WNT2: variants seen among roughly 807,000 people sequenced by gnomAD.
WNT2 encodes the protein protein Wnt-2.
In WNT2, 12 loss-of-function variants were observed where a neutral mutation model predicts 36.9. The observed-to-expected ratio is 0.33, with a 90% CI of 0.21 to 0.53. The LOEUF (loss-of-function observed/expected upper bound fraction) is 0.53, where lower values mean the gene tolerates loss of function less well. Among genes scored for constraint, WNT2 ranks in the 20% least tolerant of loss-of-function variants. The probability of loss-of-function intolerance (pLI) is 0.95; values close to 1 mark genes in which losing one functional copy is unlikely to be tolerated. For synonymous variants in WNT2, 163 were observed against 174.6 expected, an observed-to-expected ratio of 0.93 and a Z score of 0.52; for missense variants, 379 against 473.1, an observed-to-expected ratio of 0.80 and a Z score of 1.84.
chr7:117,291,785 C>CT (rs891630861), intron 4 of WNT2, among the ~76,000 whole-genome samples: 4 of 151,244 alleles, frequency 2.6e-5, no homozygotes, highest in South Asian at 2.1e-4. Context: ...TTTCTTTTCT[C>CT]TTTTTTTTTG....
chr7:117,293,929 A>AC (rs966737410), intron 4 of WNT2, among the ~76,000 whole-genome samples: 7 of 151,876 alleles, frequency 4.6e-5, no homozygotes, highest in African/African-American at 1.7e-4. Flanking sequence ...TCTCTGTTAC[A>AC]CCCCCTGCCT....
intron 4 of WNT2, among the ~76,000 whole-genome samples, chr7:117,293,446 C>T (rs980635685): frequency 4.0e-5 from 6 of 151,806 alleles, no homozygotes; most frequent in East Asian, 3.9e-4. Flanking sequence ...TAAGTGTGCA[C>T]GATTTAAAAA....
intron 3 of WNT2, among the ~76,000 whole-genome samples, chr7:117,307,159 AT>A (rs1795030628): frequency 6.6e-6 from 1 of 152,206 alleles, no homozygotes; most frequent in Non-Finnish European, 1.5e-5. Context: ...AAGAAAATAC[AT>A]GCATTGTGTA....
chr7:117,289,731 C>T (rs1794651748), intron 4 of WNT2, among the ~76,000 whole-genome samples: 1 of 152,178 alleles, frequency 6.6e-6, no homozygotes, highest in Non-Finnish European at 1.5e-5. Context: ...TCACAGGATC[C>T]TCAGTGGACT....
chr7:117,289,634 T>C (rs573118527), intron 4 of WNT2, among the ~76,000 whole-genome samples: 47 of 152,330 alleles, frequency 3.1e-4, no homozygotes, highest in African/African-American at 1.1e-3. Flanking sequence ...TATGTTTTTT[T>C]ATAATTTGCC....
At chr7:117,283,742 G>T (rs1211526123) in intron 4 of WNT2, among the ~76,000 whole-genome samples, 2 of 152,222 alleles carry the variant, frequency 1.3e-5, no homozygotes, top group Non-Finnish European at 2.9e-5. Context: ...AGTGGTTTCA[G>T]TAAAGGGAAC....
rs1795355892 is a variant in WNT2, at chr7:117,322,881, C to T, written c.83+26G>A. ...GGTCCCCATTCCGATCTCCAAAATC[C>T]CCCGCGCCCGTGCGCGTGGACTTAC... On this transcript the variant is annotated intron_variant, in intron 1 of 4. Transcript: ENST00000265441. The surrounding 1 kb of genome is among the most constrained non-coding windows in gnomAD (Gnocchi z 5.4). The T allele has an allele frequency of 6.2e-7, 1 of 1,612,512 alleles. No homozygotes were observed. The highest frequency in any genetic ancestry group is 1.3e-5 in the African/African-American group (1 of 75,002).
chr7:117,278,150 TG>T lies in WNT2; in HGVS notation c.*4del, dbSNP rs1392060663. On this transcript the variant is annotated 3_prime_UTR_variant, in exon 5 of 5. Coordinates refer to ENST00000265441, the MANE Select transcript of WNT2 (RefSeq NM_003391.3). Reference sequence around the variant, plus strand: ...AGGGAAGGTGGATGGTGACGCCTGCTGGGGTCATGTAGCGGTTGTCCAGTCA... The same window carrying T: ...AGGGAAGGTGGATGGTGACGCCTGCTGGGTCATGTAGCGGTTGTCCAGTCA... 8.1e-6 allele frequency: 13 copies of T among 1,613,968 alleles called. No individual in the cohort carries two copies. The highest frequency in any genetic ancestry group is 1.1e-5 in the Non-Finnish European group (13 of 1,179,942).
chr7:117,291,321 C>T (rs1348672918), intron 4 of WNT2, among the ~76,000 whole-genome samples: 1 of 152,124 alleles, frequency 6.6e-6, no homozygotes, highest in Non-Finnish European at 1.5e-5. Flanking sequence ...TTGTTTCCTG[C>T]AGTTGGAGAG....
chr7:117,299,362 T>A lies in WNT2; in HGVS notation c.589-1486A>T, dbSNP rs567377785. ...ACAAAACTCACTCCACATCAAGTAC[T>A]TAGGAATTAAATATGAATGCTCATT... On this transcript the variant is annotated intron_variant, in intron 3 of 4. Transcript: ENST00000265441. Among the ~76,000 whole-genome samples the A allele has an allele frequency of 1.8e-4, 28 of 152,352 alleles. No homozygotes were observed. In the South Asian group the frequency reaches 3.7e-3, roughly 20 times the overall value.
intron 4 of WNT2, among the ~76,000 whole-genome samples, chr7:117,294,707 G>C (rs1317689643): frequency 3.3e-5 from 5 of 152,204 alleles, no homozygotes; most frequent in Admixed American, 2.0e-4. Context: ...ACAGAAGACA[G>C]ATAAGAGAGA....
In WNT2 at chr7:117,276,651, A is replaced by C. The variant is rs756986357; in HGVS notation, c.*1504T>G. 2 of 152,224 alleles carry C rather than the reference A, an allele frequency of 1.3e-5. No homozygotes were observed. Among genetic ancestry groups the C allele is most frequent in the African/African-American group, 2.4e-5 (1 of 41,444 alleles). The allele number at this position is 152,224 out of a possible 1,614,324, so 9.4% of individuals were successfully genotyped here. ...AATAATTTGATACCAGATGCATGTAATGAAATATCCTGTTAATGTAGCACT... is the reference window on the plus strand; with the variant it reads ...AATAATTTGATACCAGATGCATGTACTGAAATATCCTGTTAATGTAGCACT... On this transcript the variant is annotated 3_prime_UTR_variant, in exon 5 of 5. Transcript: ENST00000265441.
Position 117,322,110 on chromosome 7 carries a change from T to C in WNT2, c.83+797A>G, listed in dbSNP as rs1397516160. The C allele has an allele frequency of 6.6e-6, 1 of 152,166 alleles. No individual in the cohort carries two copies. The highest frequency in any genetic ancestry group is 1.5e-5 in the Non-Finnish European group (1 of 68,028). The allele number at this position is 152,166 out of a possible 1,614,324, so 9.4% of individuals were successfully genotyped here. A position where few individuals can be genotyped will look rare whatever the true frequency, so the allele number is the denominator to read the frequency against. ...TCTATCTCTTTCCAAGACCAGAAAG[T>C]CGGCAGATGGAGAACGGTTTCTAGA... On this transcript the variant is annotated intron_variant, in intron 1 of 4. Coordinates refer to ENST00000265441, the MANE Select transcript of WNT2 (RefSeq NM_003391.3). The surrounding 1 kb of genome is among the most constrained non-coding windows in gnomAD (Gnocchi z 5.4).
intron 3 of WNT2, among the ~76,000 whole-genome samples, chr7:117,314,582 G>C (rs936490277): frequency 6.6e-6 from 1 of 152,224 alleles, no homozygotes; most frequent in African/African-American, 2.4e-5. Flanking sequence ...GCTTTTATGA[G>C]TGAGACTTGG....
At chr7:117,283,119 T>TG (rs2116327991) in intron 4 of WNT2, among the ~76,000 whole-genome samples, 1 of 152,198 alleles carries the variant, frequency 6.6e-6, no homozygotes, top group South Asian at 2.1e-4. Context: ...GCTGTGACTG[T>TG]GGGGCATTCA....
intron 4 of WNT2, among the ~76,000 whole-genome samples, chr7:117,282,137 T>C (rs1794500109): frequency 6.6e-6 from 1 of 152,212 alleles, no homozygotes. Context: ...AAACTAGTCA[T>C]TGCTATTAAA....
intron 3 of WNT2, 64 bp from the exon 4 acceptor site, chr7:117,297,940 C>T: frequency 6.5e-7 from 1 of 1,535,182 alleles, no homozygotes; most frequent in East Asian, 2.3e-5. Flanking sequence ...TCCAACTCTC[C>T]TTACCTCCCA....
chr7:117,321,602 A>G (rs1430395091), intron 1 of WNT2, among the ~76,000 whole-genome samples: 2 of 152,246 alleles, frequency 1.3e-5, no homozygotes, highest in Non-Finnish European at 2.9e-5. Context: ...TGTCTTTTGA[A>G]GCGATCAAAC....
chr7:117,282,157 T>C lies in WNT2; in HGVS notation c.854-3773A>G, dbSNP rs148616946. Among the ~76,000 whole-genome samples the C allele has an allele frequency of 1.2e-4, 18 of 152,290 alleles. No homozygotes were observed. In the East Asian group the frequency reaches 3.5e-3, roughly 29 times the overall value. On this transcript the variant is annotated intron_variant, in intron 4 of 4. Transcript: ENST00000265441. ...AGTCATTGCTATTAAAAGGAGGTGA[T>C]TTTCCTTGGGGAATAGAGAAAAAGA...
Sources: allele counts gnomAD v4.1 joint callset (sites outside exome capture counted in the v4.1 genomes callset), GRCh38; gene constraint gnomAD v4.1.1; non-coding constraint Gnocchi (gnomAD v3.1); transcripts MANE v1.5; gene names NCBI Gene and HGNC (gene_info 2026-07-23, HGNC 2026-07-21).